MIA3: variants seen among roughly 807,000 people sequenced by gnomAD.
MIA3 encodes the protein transport and Golgi organization protein 1 homolog.
In MIA3, 90 loss-of-function variants were observed where a neutral mutation model predicts 192.4. The observed-to-expected ratio is 0.47, with a 90% CI of 0.39 to 0.56. MIA3 has a LOEUF of 0.56. MIA3 is among the 20% of genes least tolerant of loss of function. The pLI is 0.00. For synonymous variants in MIA3, 740 were observed against 792.8 expected (o/e 0.93, Z 1.12); for missense variants, 2,123 against 2,269.4 (o/e 0.94, Z 1.31).
At chr1:222,645,031 C>G (rs1241055587) in intron 6 of MIA3, among the ~76,000 whole-genome samples, 1 of 152,164 alleles carries the variant, frequency 6.6e-6, no homozygotes, top group African/African-American at 2.4e-5. Context: ...GATCAGTTAT[C>G]AGGAGCTATC....
intron 2 of MIA3, among the ~76,000 whole-genome samples, chr1:222,623,985 T>C (rs1909195): frequency 0.72 from 110,185 of 152,140 alleles, 40,483 homozygotes; most frequent in Non-Finnish European, 0.8. Context: ...ACATCATATG[T>C]GCAAATACAG....
chr1:222,658,504 T>C, intron 18 of MIA3: 2 of 380,480 alleles, frequency 5.3e-6, no homozygotes, highest in Middle Eastern at 7.8e-4. Context: ...CATTTACTAG[T>C]GAGGAGAGAA....
intron 27 of MIA3, 80 bp downstream of exon 27, chr1:222,664,228 A>G (rs1664167050): frequency 2.0e-6 from 3 of 1,473,300 alleles, no homozygotes; most frequent in Admixed American, 1.7e-5. Context: ...AACAACTGCA[A>G]TTGCGGGGCT....
chr1:222,630,034 G>C lies in MIA3; in HGVS notation c.2814G>C (p.Arg938=). Residue 938 remains arginine, a synonymous_variant, in exon 4 of 28, where the codon CGG becomes CGC. Coordinates refer to ENST00000344922, the MANE Select transcript of MIA3 (RefSeq NM_198551.4). The part of the protein sequence containing the change: ...SFFKEQQSLQ[R]FQKYFNVHEL... Reference sequence around the variant, plus strand: ...TTAAAGAACAACAGTCTTTGCAGCGGTTCCAGAAGTACTTTAATGTCCATG... The same window carrying C: ...TTAAAGAACAACAGTCTTTGCAGCGCTTCCAGAAGTACTTTAATGTCCATG... The C allele has an allele frequency of 6.2e-7, 1 of 1,614,084 alleles. No individual in the cohort carries two copies. Among genetic ancestry groups the C allele is most frequent in the South Asian group, 1.1e-5 (1 of 91,074 alleles).
At chr1:222,651,078 C>T (rs905906964) in intron 11 of MIA3, among the ~76,000 whole-genome samples, 175 bp downstream of exon 11, 3 of 152,070 alleles carry the variant, frequency 2.0e-5, no homozygotes, top group Admixed American at 6.5e-5. Context: ...AGAAATTATT[C>T]TTACAGGCCT....
rs959454929 is a variant in MIA3 at position 222,654,679 on chromosome 1, A to G, written c.4493A>G (p.Asp1498Gly). 1 of 1,614,102 alleles carries G rather than the reference A, an allele frequency of 6.2e-7. No individual in the cohort carries two copies. Among genetic ancestry groups the G allele is most frequent in the Admixed American group, 1.7e-5 (1 of 59,992 alleles). Residue 1498 changes from aspartate (D) to glycine (G), a missense_variant, in exon 18 of 28, where the codon GAC (aspartate) becomes GGC (glycine). Physicochemically the swap from Asp to Gly is moderately conservative, Grantham distance 94 (BLOSUM62 -1). This residue lies in a region of MIA3 where 762 missense variants were observed against 856.4 expected (regional missense o/e 0.89). Transcript: ENST00000344922. ...LEDQVKKLED[D>G]RNSLQAAKAG... Reference sequence around the variant, plus strand: ...GACCAGGTAAAGAAATTGGAAGATGACCGCAACTCACTACAAGCTGCCAAA... The same window carrying G: ...GACCAGGTAAAGAAATTGGAAGATGGCCGCAACTCACTACAAGCTGCCAAA...
In MIA3 at chr1:222,629,343, C is replaced by T; in HGVS notation, c.2123C>T (p.Thr708Ile). 1 of 1,614,156 alleles carries T rather than the reference C, an allele frequency of 6.2e-7. No homozygotes were observed. ...ACAGAGGTAGGACAGACAGACCAAA[C>T]TGACAGCACAGGAGGACCAGCTTTC... ...QGTEVGQTDQ[T>I]DSTGGPAFLS... The change falls in exon 4 of 28, where the codon ACT (threonine) becomes ATT (isoleucine). Residue 708 changes from threonine (T) to isoleucine (I), a missense_variant. Around this residue, in one of 3 missense-constraint regions of MIA3, gnomAD observed 1,357 missense variants for 1,396.1 expected, o/e 0.97. Transcript: ENST00000344922.
intron 6 of MIA3, among the ~76,000 whole-genome samples, chr1:222,636,687 A>G (rs1344165383): frequency 6.6e-6 from 1 of 151,298 alleles, no homozygotes; most frequent in Non-Finnish European, 1.5e-5. Flanking sequence ...TAATTTTTGT[A>G]TTTTTCAGTA....
chr1:222,648,637 A>G (rs1035326698), intron 7 of MIA3, among the ~76,000 whole-genome samples, 192 bp from the exon 8 acceptor site: 1 of 152,222 alleles, frequency 6.6e-6, no homozygotes, highest in African/African-American at 2.4e-5. Context: ...TCAGACCACA[A>G]CATATCACTA....
intron 5 of MIA3, 115 bp downstream of exon 5, chr1:222,632,441 T>A: frequency 1.1e-6 from 1 of 899,048 alleles, no homozygotes. Context: ...GAAAAAAGGA[T>A]CCCAGAGCTA....
chr1:222,663,925 GTTTTTAC>G, intron 26 of MIA3, 66 bp from the exon 27 acceptor site: 1 of 1,421,510 alleles, frequency 7.0e-7, no homozygotes, highest in Admixed American at 2.2e-5. Flanking sequence ...TTGGGTTTTA[GTTTTTAC>G]TGGTGTTGGT....
chr1:222,620,853 G>A (rs1263810552), intron 1 of MIA3, among the ~76,000 whole-genome samples: 2 of 152,232 alleles, frequency 1.3e-5, no homozygotes, highest in African/African-American at 2.4e-5. Context: ...GGAATCGAGA[G>A]TTTCACTTGG....
At chr1:222,647,982 G>T in intron 7 of MIA3, 2 of 343,220 alleles carry the variant, frequency 5.8e-6, no homozygotes, top group South Asian at 2.2e-5. Flanking sequence ...TGAGCTTATG[G>T]ATGATTTGTG....
chr1:222,660,028 G>A (rs1445297428), intron 23 of MIA3, 22 bp downstream of exon 23: 1 of 1,598,026 alleles, frequency 6.3e-7, no homozygotes, highest in Admixed American at 1.7e-5. Flanking sequence ...ACCTTGTAAA[G>A]GGCAACAATC....
Position 222,618,229 on chromosome 1 carries a change from A to G in MIA3, c.119A>G (p.Asp40Gly). Residue 40 changes from aspartate (D) to glycine (G), a missense_variant, in exon 1 of 28, where the codon GAC (aspartate) becomes GGC (glycine). Physicochemically the swap from Asp to Gly is moderately conservative, Grantham distance 94. Coordinates refer to ENST00000344922, the MANE Select transcript of MIA3 (RefSeq NM_198551.4). The stretch of plus-strand genomic sequence containing the variant: ...TTCTCGGAGCACAAACTCTGCGCGG[A>G]CGACGAATGCAGCAGTGAGTGCGCT... Reference protein sequence around the residue: ...RRFSEHKLCADDECSMLMYRG... With the variant: ...RRFSEHKLCAGDECSMLMYRG... 1 of 1,484,036 alleles carries G rather than the reference A, an allele frequency of 6.7e-7. No homozygotes were observed. Among genetic ancestry groups the G allele is most frequent in the East Asian group, 3.0e-5 (1 of 33,688 alleles). The allele number at this position is 1,484,036 out of a possible 1,614,324, so 91.9% of individuals were successfully genotyped here.
At chr1:222,665,239 A>C in intron 27 of MIA3, 70 bp from the exon 28 acceptor site, 1 of 1,078,438 alleles carries the variant, frequency 9.3e-7, no homozygotes, top group South Asian at 1.5e-5. Flanking sequence ...AGACTATATT[A>C]ACATACCTGG....
chr1:222,649,862 A>T lies in MIA3; in HGVS notation c.3632-430A>T, dbSNP rs559850574. On this transcript the variant is annotated intron_variant, in intron 8 of 27. Coordinates refer to ENST00000344922, the MANE Select transcript of MIA3 (RefSeq NM_198551.4). ...GGAAGTATAGCGGCATCTGCTTCTG[A>T]GGAGGCCTCAGGGAGCTTTTACTCA... The T allele has an allele frequency of 3.3e-4, 62 of 190,106 alleles. No homozygotes were observed. The South Asian group carries it at 5.8e-3, about 18-fold the overall frequency. 11.8% of individuals were successfully genotyped at this position (190,106 alleles called of 1,614,324 possible).
chr1:222,660,360 T>G, intron 24 of MIA3, 46 bp downstream of exon 24: 9 of 1,564,630 alleles, frequency 5.8e-6, no homozygotes, highest in Non-Finnish European at 7.8e-6. Flanking sequence ...GGGTGGCTTT[T>G]TCCCTTTTAT....
Position 222,651,972 on chromosome 1 carries a change from G to T in MIA3, c.3910-5G>T. 1 of 1,495,454 alleles carries T rather than the reference G, an allele frequency of 6.7e-7. No individual in the cohort carries two copies. Among genetic ancestry groups the T allele is most frequent in the South Asian group, 1.1e-5 (1 of 88,524 alleles). 92.6% of individuals were successfully genotyped at this position (1,495,454 alleles called of 1,614,324 possible). ...TGCATTTTGTGTTCTGTTTTTACAT[G>T]GCAGATATCAGAAAACAAGAAATCT... is the stretch of plus-strand genomic sequence containing the variant. On this transcript the variant is annotated splice_region_variant and splice_polypyrimidine_tract_variant and intron_variant, in intron 11 of 27. Transcript: ENST00000344922.
Sources: gnomAD v4.1 joint callset for allele counts (sites outside exome capture counted in the v4.1 genomes callset) on GRCh38, gnomAD v4.1.1 for gene constraint, gnomAD v4.1.1 regional missense constraint, MANE v1.5 for transcripts, NCBI Gene and HGNC (gene_info 2026-07-23, HGNC 2026-07-21) for gene names.